The following NPAS3 variants were observed in gnomAD, a reference collection of about 807,000 sequenced individuals.
NPAS3 encodes neuronal PAS domain protein 3.
A neutral mutation model predicts 73.1 loss-of-function variants in NPAS3; 14 were observed. The ratio of observed to expected loss-of-function variants is 0.19; its 90% CI spans 0.13 to 0.30. The LOEUF is 0.30. Among genes scored for constraint, NPAS3 ranks in the 10% least tolerant of loss-of-function variants. NPAS3 has a pLI of 1.00. For missense variants in NPAS3, 1,096 were observed against 1,250.0 expected, an observed-to-expected ratio of 0.88 and a Z score of 1.86; for synonymous variants, 620 against 541.5, an observed-to-expected ratio of 1.14 and a Z score of -2.01.
At chr14:33,255,438 G>T (rs1458548009) in intron 3 of NPAS3, among the ~76,000 whole-genome samples, 1 of 152,032 alleles carries the variant, frequency 6.6e-6, no homozygotes, top group Non-Finnish European at 1.5e-5. Flanking sequence ...TAATAATTAC[G>T]ATATGAACCA....
At chr14:33,717,805 C>T (rs2140525864) in intron 6 of NPAS3, among the ~76,000 whole-genome samples, 1 of 152,172 alleles carries the variant, frequency 6.6e-6, no homozygotes, top group South Asian at 2.1e-4. Context: ...AATAAAGGTG[C>T]TTATCTCAAA....
intron 4 of NPAS3, among the ~76,000 whole-genome samples, chr14:33,384,387 G>C (rs1186698986): frequency 6.6e-6 from 1 of 151,240 alleles, no homozygotes; most frequent in South Asian, 2.1e-4. Context: ...ATGTTTCTGT[G>C]TGTGTGTGTG....
intron 1 of NPAS3, among the ~76,000 whole-genome samples, chr14:33,051,240 G>C (rs752845316): frequency 2.5e-4 from 36 of 144,824 alleles, no homozygotes; most frequent in South Asian, 4.4e-4. Context: ...CGCCATTGCA[G>C]TCCGCAGTCC....
At chr14:32,947,241 C>G (rs2036297876) in intron 1 of NPAS3, among the ~76,000 whole-genome samples, 1 of 152,062 alleles carries the variant, frequency 6.6e-6, no homozygotes, top group Non-Finnish European at 1.5e-5. Flanking sequence ...TTTTTCCTTT[C>G]TGCTACAGTA....
At chr14:33,678,092 G>C (rs2059819670) in intron 6 of NPAS3, among the ~76,000 whole-genome samples, 1 of 152,114 alleles carries the variant, frequency 6.6e-6, no homozygotes, top group Non-Finnish European at 1.5e-5. Context: ...AATCACAAAT[G>C]CTCAAGTTTG....
rs143836840 is a variant in NPAS3 at position 33,761,706 on chromosome 14, T to C, written c.853-12631T>C. On this transcript the variant is annotated intron_variant, in intron 7 of 11. Coordinates refer to ENST00000356141, the Ensembl canonical transcript of NPAS3. Reference sequence around the variant, plus strand: ...AAATCCTTGAATCCTTACCATAAAATAGCAAAGAAGATGACTTGAGGAAGG... The same window carrying C: ...AAATCCTTGAATCCTTACCATAAAACAGCAAAGAAGATGACTTGAGGAAGG... Among the ~76,000 whole-genome samples, 88 of 152,268 alleles carry C rather than the reference T, an allele frequency of 5.8e-4. 1 individual carries two copies. Among genetic ancestry groups the C allele is most frequent in the African/African-American group, 1.9e-3 (77 of 41,560 alleles).
intron 5 of NPAS3, among the ~76,000 whole-genome samples, chr14:33,654,632 A>C (rs979882180): frequency 5.3e-5 from 8 of 152,198 alleles, no homozygotes; most frequent in Admixed American, 2.6e-4. Context: ...GTTAAGTTTA[A>C]AAATTATAAA....
At chr14:33,176,280 A>T (rs2139410279) in intron 2 of NPAS3, among the ~76,000 whole-genome samples, 1 of 152,356 alleles carries the variant, frequency 6.6e-6, no homozygotes, top group East Asian at 1.9e-4. Flanking sequence ...CAATAACTAC[A>T]TTCACAGTGT....
chr14:32,974,068 A>T (rs780896790), intron 1 of NPAS3, among the ~76,000 whole-genome samples: 4 of 152,246 alleles, frequency 2.6e-5, no homozygotes, highest in Non-Finnish European at 5.9e-5. Context: ...TGGTCAGTTA[A>T]TAATGAGGAA....
chr14:33,687,379 GTCTGCTAGCCAGTGCCTCTCAC>G (rs1186083715), intron 6 of NPAS3, among the ~76,000 whole-genome samples: 1 of 152,140 alleles, frequency 6.6e-6, no homozygotes, highest in Non-Finnish European at 1.5e-5. Context: ...TAAAATACCA[GTCTGCTAGCCAGTGCCTCTCAC>G]TCATCAGAGG....
At chr14:33,570,026 G>A (rs1471600315) in intron 5 of NPAS3, among the ~76,000 whole-genome samples, 1 of 152,196 alleles carries the variant, frequency 6.6e-6, no homozygotes, top group Non-Finnish European at 1.5e-5. Flanking sequence ...TACAGATGGG[G>A]TATTTGTGTT....
intron 4 of NPAS3, among the ~76,000 whole-genome samples, chr14:33,518,419 A>G (rs1224294293): frequency 6.6e-6 from 1 of 152,028 alleles, no homozygotes; most frequent in Admixed American, 6.6e-5. Context: ...GTGCATCAAG[A>G]TAACCCTTGA....
At chr14:33,772,351 C>T (rs1468715429) in intron 7 of NPAS3, among the ~76,000 whole-genome samples, 1 of 152,094 alleles carries the variant, frequency 6.6e-6, no homozygotes, top group Non-Finnish European at 1.5e-5. Flanking sequence ...CCTACTGGAC[C>T]CAACTTTGGC....
At chr14:33,328,176 G>C (rs1380393741) in intron 3 of NPAS3, among the ~76,000 whole-genome samples, 2 of 152,026 alleles carry the variant, frequency 1.3e-5, no homozygotes, top group South Asian at 2.1e-4. Flanking sequence ...ATCATTTTAT[G>C]TTGGAAACTG....
At chr14:33,111,306 C>T (rs1173254385) in intron 2 of NPAS3, among the ~76,000 whole-genome samples, 2 of 152,164 alleles carry the variant, frequency 1.3e-5, no homozygotes, top group African/African-American at 4.8e-5. Flanking sequence ...CAAGTCTCAG[C>T]CCCAGCATCT....
chr14:33,174,197 A>G (rs2045501733), intron 2 of NPAS3, among the ~76,000 whole-genome samples: 1 of 152,176 alleles, frequency 6.6e-6, no homozygotes, highest in Non-Finnish European at 1.5e-5. Flanking sequence ...TTTGAGGTGC[A>G]GATGCCGTTT....
intron 1 of NPAS3, among the ~76,000 whole-genome samples, chr14:32,959,406 T>A (rs576249559): frequency 9.0e-4 from 137 of 152,360 alleles, no homozygotes; most frequent in African/African-American, 3.1e-3. Flanking sequence ...CAAGTAAAGA[T>A]TCCAAACCTA....
At chr14:33,740,312 C>A (rs1382560285) in intron 7 of NPAS3, among the ~76,000 whole-genome samples, 1 of 152,190 alleles carries the variant, frequency 6.6e-6, no homozygotes, top group African/African-American at 2.4e-5. Flanking sequence ...AATGGCAAGA[C>A]TGAGAAATAT....
intron 5 of NPAS3, among the ~76,000 whole-genome samples, chr14:33,592,853 T>A (rs993075408): frequency 3.3e-5 from 5 of 152,188 alleles, no homozygotes; most frequent in African/African-American, 1.2e-4. Context: ...AATATTAGAA[T>A]GTATGCCTCA....
Sources: allele counts gnomAD v4.1 joint callset (sites outside exome capture counted in the v4.1 genomes callset), GRCh38; gene constraint gnomAD v4.1.1; transcripts MANE v1.5; gene names NCBI Gene and HGNC (gene_info 2026-07-23, HGNC 2026-07-21).